PITPNC1: variants seen among roughly 807,000 people sequenced by gnomAD.
The protein encoded by PITPNC1 is phosphatidylinositol transfer protein cytoplasmic 1.
Under a neutral mutation model 44.7 loss-of-function variants are expected in PITPNC1, and 18 were observed. The observed-to-expected ratio is 0.40, with a 90% confidence interval of 0.28 to 0.60. The LOEUF is 0.60. PITPNC1 is among the 20% of genes least tolerant of loss of function. The pLI is 0.39. For synonymous variants in PITPNC1, 141 were observed against 149.6 expected, an observed-to-expected ratio of 0.94 and a Z score of 0.42; for missense variants, 290 against 418.4, an observed-to-expected ratio of 0.69 and a Z score of 2.68.
At chr17:67,517,646 G>A (rs968613413) in intron 1 of PITPNC1, among the ~76,000 whole-genome samples, 19 of 152,212 alleles carry the variant, frequency 1.2e-4, no homozygotes, top group African/African-American at 3.6e-4. Context: ...AATGAAAGGA[G>A]TCAGTGACAA....
Position 67,406,439 on chromosome 17 carries a change from G to A in PITPNC1, c.48+28237G>A, listed in dbSNP as rs979953013. Among the ~76,000 whole-genome samples the A allele has an allele frequency of 3.9e-5, 6 of 152,126 alleles. 1 individual carries two copies. Among genetic ancestry groups the A allele is most frequent in the Non-Finnish European group, 7.3e-5 (5 of 68,030 alleles). ...TGTCCTTATGGATTTGCCTATTCTG[G>A]ACATTTCATGTAAATGGAATCACAC... On this transcript the variant is annotated intron_variant, in intron 1 of 8. Transcript: ENST00000581322.
chr17:67,458,977 C>T (rs2039294866), intron 1 of PITPNC1, among the ~76,000 whole-genome samples: 2 of 152,118 alleles, frequency 1.3e-5, no homozygotes, highest in Admixed American at 1.3e-4. Flanking sequence ...GTTTTTTTCA[C>T]TTAGAACCCA....
chr17:67,470,607 C>T (rs973356254), intron 1 of PITPNC1, among the ~76,000 whole-genome samples: 4 of 152,074 alleles, frequency 2.6e-5, no homozygotes, highest in Admixed American at 6.5e-5. Context: ...CCCGGCCAGC[C>T]GCCCCGTCCG....
intron 6 of PITPNC1, among the ~76,000 whole-genome samples, chr17:67,637,090 C>T (rs1269371256): frequency 2.6e-5 from 4 of 152,174 alleles, no homozygotes; most frequent in African/African-American, 9.7e-5. Flanking sequence ...ATGAGCTCTG[C>T]GAAGACAAGA....
chr17:67,379,307 C>T, intron 1 of PITPNC1: 1 of 985,230 alleles, frequency 1.0e-6, no homozygotes, highest in African/African-American at 1.7e-5. Flanking sequence ...GGGCGATGTG[C>T]TTTGGGAGAG....
chr17:67,683,392 G>C (rs969458494), intron 8 of PITPNC1, among the ~76,000 whole-genome samples: 1 of 152,122 alleles, frequency 6.6e-6, no homozygotes, highest in African/African-American at 2.4e-5. Flanking sequence ...GCAAAAGCTA[G>C]ACAGTGCATT....
chr17:67,484,736 G>A (rs1019618936), intron 1 of PITPNC1, among the ~76,000 whole-genome samples: 3 of 152,216 alleles, frequency 2.0e-5, no homozygotes, highest in South Asian at 2.1e-4. Flanking sequence ...TCAGGAGTTC[G>A]AGACCAGCCT....
At chr17:67,610,256 G>A (rs1454737635) in intron 5 of PITPNC1, among the ~76,000 whole-genome samples, 5 of 152,108 alleles carry the variant, frequency 3.3e-5, no homozygotes, top group African/African-American at 4.8e-5. Flanking sequence ...TGTTGTGTGC[G>A]CATGAAAGCA....
intron 2 of PITPNC1, among the ~76,000 whole-genome samples, chr17:67,543,885 C>G (rs961115588): frequency 6.6e-6 from 1 of 152,196 alleles, no homozygotes; most frequent in Non-Finnish European, 1.5e-5. Context: ...GAATCTCGCT[C>G]TGTCACCCAG....
intron 1 of PITPNC1, among the ~76,000 whole-genome samples, chr17:67,496,433 G>A (rs1261653847): frequency 6.6e-6 from 1 of 152,182 alleles, no homozygotes; most frequent in Non-Finnish European, 1.5e-5. Flanking sequence ...CTCCCTTTGA[G>A]TTGAGTCATC....
chr17:67,432,964 C>T (rs949401409), intron 1 of PITPNC1, among the ~76,000 whole-genome samples: 3 of 152,124 alleles, frequency 2.0e-5, no homozygotes, highest in African/African-American at 7.2e-5. Context: ...ACCCTGACAA[C>T]AGCATGGAAA....
chr17:67,568,430 G>T (rs1430256995), intron 4 of PITPNC1, among the ~76,000 whole-genome samples: 1 of 152,126 alleles, frequency 6.6e-6, no homozygotes, highest in East Asian at 1.9e-4. Flanking sequence ...TTGTCCTAAT[G>T]GTTGTATAAC....
intron 2 of PITPNC1, among the ~76,000 whole-genome samples, chr17:67,539,406 G>A (rs1281729108): frequency 6.6e-6 from 1 of 152,212 alleles, no homozygotes; most frequent in Non-Finnish European, 1.5e-5. Flanking sequence ...AAATGGAAGC[G>A]ATTCAAGTAT....
intron 8 of PITPNC1, among the ~76,000 whole-genome samples, chr17:67,688,598 A>C (rs1426313229): frequency 6.6e-6 from 1 of 152,134 alleles, no homozygotes; most frequent in Non-Finnish European, 1.5e-5. Flanking sequence ...CTGTTGGAGC[A>C]AGAGGCGTTT....
chr17:67,474,517 C>A (rs765856067), intron 1 of PITPNC1, among the ~76,000 whole-genome samples: 6 of 152,024 alleles, frequency 3.9e-5, no homozygotes, highest in Non-Finnish European at 5.9e-5. Flanking sequence ...TGCTTTAGTG[C>A]CCTCTCCTGT....
At chr17:67,630,551 G>A (rs371118723) in intron 5 of PITPNC1, among the ~76,000 whole-genome samples, 72 of 152,114 alleles carry the variant, frequency 4.7e-4, no homozygotes, top group African/African-American at 1.6e-3. Flanking sequence ...CCCAGGAGGC[G>A]GAGATTGCAG....
At chr17:67,452,578 C>G (rs2039198107) in intron 1 of PITPNC1, among the ~76,000 whole-genome samples, 1 of 150,472 alleles carries the variant, frequency 6.6e-6, no homozygotes, top group Non-Finnish European at 1.5e-5. Flanking sequence ...CTGCAACCTC[C>G]TCCTCCTGGG....
chr17:67,600,180 T>C (rs1376440900), intron 5 of PITPNC1, among the ~76,000 whole-genome samples: 1 of 152,024 alleles, frequency 6.6e-6, no homozygotes, highest in Non-Finnish European at 1.5e-5. Context: ...TGGCTTACAG[T>C]AGTAGTTCTG....
At chr17:67,421,561 G>T (rs960639521) in intron 1 of PITPNC1, among the ~76,000 whole-genome samples, 4 of 152,162 alleles carry the variant, frequency 2.6e-5, no homozygotes, top group African/African-American at 9.7e-5. Flanking sequence ...GGGATTGCAG[G>T]TGTGAGCCAC....
Sources: allele counts gnomAD v4.1 joint callset (sites outside exome capture counted in the v4.1 genomes callset), GRCh38; gene constraint gnomAD v4.1.1; transcripts MANE v1.5; gene names NCBI Gene and HGNC (gene_info 2026-07-23, HGNC 2026-07-21).